Variants in FAT3 observed in about 807,000 individuals in gnomAD.
The protein encoded by FAT3 is FAT atypical cadherin 3.
FAT3 carries 95 observed loss-of-function variants against 310.2 expected under a neutral mutation model. The observed-to-expected ratio is 0.31, with a 90% CI of 0.26 to 0.36. The LOEUF is 0.36. Among genes scored for constraint, FAT3 ranks in the 10% least tolerant of loss-of-function variants. The pLI, the probability that FAT3 is intolerant of heterozygous loss-of-function variation, is 1.00. For synonymous variants in FAT3, 2,314 were observed against 2,192.9 expected (o/e 1.06, Z -1.54); for missense variants, 5,408 against 5,715.6 (o/e 0.95, Z 1.74).
chr11:92,473,684 C>T (rs1300166767), intron 2 of FAT3, among the ~76,000 whole-genome samples: 1 of 152,188 alleles, frequency 6.6e-6, no homozygotes, highest in African/African-American at 2.4e-5. Flanking sequence ...TAAATACCAA[C>T]TCTTAAAGCC....
intron 3 of FAT3, among the ~76,000 whole-genome samples, chr11:92,562,962 A>G (rs1490829901): frequency 6.6e-6 from 1 of 152,204 alleles, no homozygotes; most frequent in Non-Finnish European, 1.5e-5. Flanking sequence ...TTTACCAGCT[A>G]TCTGGGCACC....
chr11:92,293,298 G>A (rs544559048), intron 1 of FAT3, among the ~76,000 whole-genome samples: 2 of 151,412 alleles, frequency 1.3e-5, no homozygotes, highest in African/African-American at 4.8e-5. Context: ...TTCTGCTGGG[G>A]GTAGGGGCTT....
rs565570602 is a variant in FAT3 at position 92,388,374 on chromosome 11, G to A, written c.3292+32970G>A. Among the ~76,000 whole-genome samples, 5 of 152,238 alleles carry A rather than the reference G, an allele frequency of 3.3e-5. No individual in the cohort carries two copies. The South Asian group carries it at 8.3e-4, about 25-fold the overall frequency. ...ATCTCCCAACTATCACTGAGGGGTGGAAGGTAGTGCTTATTCCTCATTTGT... is the reference window on the plus strand; with the variant it reads ...ATCTCCCAACTATCACTGAGGGGTGAAAGGTAGTGCTTATTCCTCATTTGT... On this transcript the variant is annotated intron_variant, in intron 2 of 27. Transcript: ENST00000525166.
chr11:92,390,154 T>G (rs1949715995), intron 2 of FAT3, among the ~76,000 whole-genome samples: 3 of 152,098 alleles, frequency 2.0e-5, no homozygotes, highest in Admixed American at 1.3e-4. Flanking sequence ...ATAAAGTTCT[T>G]GTAAAGTCAG....
At chr11:92,712,915 G>A (rs1944567420) in intron 4 of FAT3, among the ~76,000 whole-genome samples, 1 of 152,198 alleles carries the variant, frequency 6.6e-6, no homozygotes, top group African/African-American at 2.4e-5. Flanking sequence ...AATGCATGAG[G>A]CTGAAGTTGC....
intron 2 of FAT3, among the ~76,000 whole-genome samples, chr11:92,492,241 T>TTCCATCCATCCATCCA (rs58384100): frequency 1.3e-5 from 2 of 148,848 alleles, no homozygotes; most frequent in East Asian, 2.0e-4. Flanking sequence ...ATATATATAT[T>TTCCATCCATCCATCCA]TCCATCCATC....
chr11:92,789,516 C>T (rs2136154088), intron 7 of FAT3, among the ~76,000 whole-genome samples: 1 of 152,226 alleles, frequency 6.6e-6, no homozygotes, highest in African/African-American at 2.4e-5. Context: ...CTCATTGGCT[C>T]CTTTGCCTCT....
intron 2 of FAT3, among the ~76,000 whole-genome samples, chr11:92,379,235 A>T (rs1373807273): frequency 2.6e-5 from 4 of 152,206 alleles, no homozygotes; most frequent in Non-Finnish European, 5.9e-5. Flanking sequence ...TTTTACATAT[A>T]GCACAAAGCA....
chr11:92,364,106 T>G (rs1948953212), intron 2 of FAT3, among the ~76,000 whole-genome samples: 1 of 152,110 alleles, frequency 6.6e-6, no homozygotes, highest in African/African-American at 2.4e-5. Context: ...TAGTAAATGA[T>G]AAAAATAATG....
At chr11:92,520,886 T>C (rs926676199) in intron 2 of FAT3, among the ~76,000 whole-genome samples, 8 of 152,178 alleles carry the variant, frequency 5.3e-5, no homozygotes, top group African/African-American at 1.9e-4. Flanking sequence ...ATCTTTTATT[T>C]TAACAGGAGA....
rs539652703 is a variant in FAT3 at position 92,504,603 on chromosome 11, C to A, written c.3293-20031C>A. Reference sequence around the variant, plus strand: ...TATGAATATATTATACTTTTGCCTCCTTTTCCTTGTTATAATTTCTCTTTC... The same window carrying A: ...TATGAATATATTATACTTTTGCCTCATTTTCCTTGTTATAATTTCTCTTTC... On this transcript the variant is annotated intron_variant, in intron 2 of 27. Coordinates refer to ENST00000525166, the MANE Select transcript of FAT3 (RefSeq NM_001367949.2). 2.0e-5 allele frequency among the ~76,000 whole-genome samples: 3 copies of A among 152,140 alleles called. No homozygotes were observed. The South Asian group carries it at 6.2e-4, about 32-fold the overall frequency.
At chr11:92,402,148 A>T (rs558913573) in intron 2 of FAT3, among the ~76,000 whole-genome samples, 1 of 152,354 alleles carries the variant, frequency 6.6e-6, no homozygotes, top group Non-Finnish European at 1.5e-5. Context: ...AAAACTAAAA[A>T]AGAATAAAAG....
At position 92,866,904 on chromosome 11, in the gene FAT3, G is replaced by T. The variant is rs1949261650; in HGVS notation, c.11822G>T (p.Arg3941Leu). The T allele has an allele frequency of 6.2e-7, 1 of 1,613,986 alleles. No homozygotes were observed. Residue 3941 changes from arginine to leucine, a missense_variant, in exon 22 of 28, where the codon CGC becomes CTC. Arg to Leu is a moderately radical substitution (Grantham distance 102). Coordinates refer to ENST00000525166, the MANE Select transcript of FAT3 (RefSeq NM_001367949.2). ...LSLDDSYVER[R>L]RAPLYFQTLS... ...CTGGATGACAGCTACGTGGAGCGGC[G>T]CCGGGCGCCCCTCTACTTCCAGACG...
Position 92,850,263 on chromosome 11 carries a change from C to T in FAT3, c.11365+5531C>T, listed in dbSNP as rs553834095. Reference sequence around the variant, plus strand: ...TTTTTCATTCATAAGAAATACACCTCGGCAGATCCCTCATCTCCAGTACGC... The same window carrying T: ...TTTTTCATTCATAAGAAATACACCTTGGCAGATCCCTCATCTCCAGTACGC... On this transcript the variant is annotated intron_variant, in intron 19 of 27. Coordinates refer to ENST00000525166, the MANE Select transcript of FAT3 (RefSeq NM_001367949.2). Among the ~76,000 whole-genome samples the T allele has an allele frequency of 5.3e-5, 8 of 152,254 alleles. No individual in the cohort carries two copies. The East Asian group carries it at 7.7e-4, about 15-fold the overall frequency.
At chr11:92,530,196 C>A (rs970209154) in intron 3 of FAT3, among the ~76,000 whole-genome samples, 1 of 152,052 alleles carries the variant, frequency 6.6e-6, no homozygotes, top group African/African-American at 2.4e-5. Context: ...GGAGAGAAAT[C>A]CAGACCACAC....
At chr11:92,226,316 G>T (rs997479884) in intron 1 of FAT3, among the ~76,000 whole-genome samples, 3 of 152,068 alleles carry the variant, frequency 2.0e-5, no homozygotes, top group African/African-American at 7.2e-5. Flanking sequence ...TTTGTCACAT[G>T]TGCTTTCCGA....
At chr11:92,338,632 A>G (rs11603009) in intron 1 of FAT3, among the ~76,000 whole-genome samples, 43,398 of 151,892 alleles carry the variant, frequency 0.29, 9,250 homozygotes, top group African/African-American at 0.6. Flanking sequence ...AGGTGGCCCT[A>G]TGTTGACTTG....
At chr11:92,339,473 A>C (rs147832356) in intron 1 of FAT3, among the ~76,000 whole-genome samples, 2,509 of 152,350 alleles carry the variant, frequency 0.016, 33 homozygotes, top group Non-Finnish European at 0.021. Flanking sequence ...CCAAAGAGAA[A>C]GTGCCTTTCT....
chr11:92,276,069 C>T (rs954414767), intron 1 of FAT3, among the ~76,000 whole-genome samples: 2 of 151,896 alleles, frequency 1.3e-5, no homozygotes, highest in Admixed American at 1.3e-4. Flanking sequence ...TGACAGAATA[C>T]TTTTTCTGCC....
Sources: allele counts gnomAD v4.1 joint callset (sites outside exome capture counted in the v4.1 genomes callset), GRCh38; gene constraint gnomAD v4.1.1; transcripts MANE v1.5; gene names NCBI Gene and HGNC (gene_info 2026-07-23, HGNC 2026-07-21).